The following KIF26B variants were observed in gnomAD, a reference collection of about 807,000 sequenced individuals.
KIF26B encodes the protein kinesin-like protein KIF26B.
Under a neutral mutation model 151.2 loss-of-function variants are expected in KIF26B, and 63 were observed. That is an observed-to-expected ratio of 0.42 (90% confidence interval 0.34 to 0.51). The LOEUF is 0.51. Among genes scored for constraint, KIF26B ranks in the 20% least tolerant of loss-of-function variants. KIF26B has a pLI of 0.07. For missense variants in KIF26B, 2,813 were observed against 2,913.6 expected, an observed-to-expected ratio of 0.97 and a Z score of 0.79; for synonymous variants, 1,357 against 1,262.1, an observed-to-expected ratio of 1.08 and a Z score of -1.59.
chr1:245,484,409 C>T (rs1248569111), intron 4 of KIF26B, among the ~76,000 whole-genome samples: 2 of 151,826 alleles, frequency 1.3e-5, no homozygotes, highest in South Asian at 4.2e-4. Context: ...AGGAGTCAGA[C>T]TCACCATCTA....
chr1:245,265,201 C>CA (rs59716075), intron 2 of KIF26B, among the ~76,000 whole-genome samples: 958 of 46,228 alleles, frequency 0.021, 14 homozygotes, highest in Middle Eastern at 0.035. Context: ...GACTCCATCT[C>CA]AAAAAAAAAA....
In KIF26B at chr1:245,281,985, C is replaced by T. The variant is rs1203962212; in HGVS notation, c.466-84849C>T. Among the ~76,000 whole-genome samples the T allele has an allele frequency of 2.6e-5, 4 of 152,000 alleles. No individual in the cohort carries two copies. The East Asian group carries it at 7.7e-4, about 29-fold the overall frequency. On this transcript the variant is annotated intron_variant, in intron 2 of 14. Coordinates refer to ENST00000407071, the MANE Select transcript of KIF26B (RefSeq NM_018012.4). ...CTATATCTCTGTTTTGGTACCAGTA[C>T]CATGCTGTTTTGGTTACTGTAGCCT...
At chr1:245,156,863 C>G (rs893790493) in intron 2 of KIF26B, among the ~76,000 whole-genome samples, 180 bp downstream of exon 2, 1 of 152,200 alleles carries the variant, frequency 6.6e-6, no homozygotes, top group Non-Finnish European at 1.5e-5. Flanking sequence ...CATGCCCCTT[C>G]CTCAGCCAGG....
chr1:245,180,019 G>C (rs531598743), intron 2 of KIF26B, among the ~76,000 whole-genome samples: 16 of 152,344 alleles, frequency 1.1e-4, no homozygotes, highest in Middle Eastern at 3.4e-3. Flanking sequence ...ATGAAGAACT[G>C]TAAGAGGACC....
intron 4 of KIF26B, among the ~76,000 whole-genome samples, chr1:245,532,234 TTTTCTTTTCTTTTC>T (rs1353180508): frequency 7.1e-5 from 7 of 98,758 alleles, no homozygotes; most frequent in Non-Finnish European, 7.1e-5. Context: ...TTTTCTTTTC[TTTTCTTTTCTTTTC>T]TTTTTTTTTT....
At chr1:245,268,314 C>CA (rs1248305811) in intron 2 of KIF26B, among the ~76,000 whole-genome samples, 22 of 150,894 alleles carry the variant, frequency 1.5e-4, no homozygotes, top group African/African-American at 2.7e-4. Context: ...CTAAAAAATA[C>CA]AAAAAAAATT....
At position 245,512,101 on chromosome 1, in the gene KIF26B, T is replaced by A. The variant is rs1045136827; in HGVS notation, c.1167-28666T>A. ...TTTTTTATGGTCATTTGCAACTTTT[T>A]AAAAAAAGTCCATACGGTAATGTTA... On this transcript the variant is annotated intron_variant, in intron 4 of 14. Transcript: ENST00000407071. The surrounding 1 kb of genome is among the most constrained non-coding windows in gnomAD (Gnocchi z 4.3). Among the ~76,000 whole-genome samples, 2 of 152,174 alleles carry A rather than the reference T, an allele frequency of 1.3e-5. No individual in the cohort carries two copies. Among genetic ancestry groups the A allele is most frequent in the African/African-American group, 2.4e-5 (1 of 41,428 alleles).
At chr1:245,164,683 G>A (rs1413762195) in intron 2 of KIF26B, among the ~76,000 whole-genome samples, 2 of 152,222 alleles carry the variant, frequency 1.3e-5, no homozygotes, top group African/African-American at 2.4e-5. Flanking sequence ...GAGGATGAAA[G>A]GCCTTGTAGG....
chr1:245,509,371 G>A (rs559884378), intron 4 of KIF26B, among the ~76,000 whole-genome samples: 1 of 152,150 alleles, frequency 6.6e-6, no homozygotes, highest in Non-Finnish European at 1.5e-5. Flanking sequence ...TTTAAGGGAT[G>A]GTTTGCCTGA....
At chr1:245,474,522 C>T (rs1659988560) in intron 4 of KIF26B, among the ~76,000 whole-genome samples, 1 of 151,100 alleles carries the variant, frequency 6.6e-6, no homozygotes, top group Admixed American at 6.6e-5. Flanking sequence ...AGTGATTCTC[C>T]TGCCTCAGCC....
intron 9 of KIF26B, among the ~76,000 whole-genome samples, chr1:245,620,347 T>C (rs2043644479): frequency 6.6e-6 from 1 of 152,170 alleles, no homozygotes; most frequent in African/African-American, 2.4e-5. Flanking sequence ...TCTAGATTCT[T>C]ACAGTATTTT....
At position 245,249,125 on chromosome 1, in the gene KIF26B, T is replaced by C. The variant is rs192852407; in HGVS notation, c.465+92442T>C. Among the ~76,000 whole-genome samples the C allele has an allele frequency of 2.8e-4, 42 of 152,290 alleles. No individual in the cohort carries two copies. The East Asian group carries it at 7.9e-3, about 29-fold the overall frequency. Reference sequence around the variant, plus strand: ...TGTGTGTTTGTTTGTTTTTGGTTTATTTTTGAGATGGAGTCTTGCTCTTTC... The same window carrying C: ...TGTGTGTTTGTTTGTTTTTGGTTTACTTTTGAGATGGAGTCTTGCTCTTTC... On this transcript the variant is annotated intron_variant, in intron 2 of 14. Coordinates refer to ENST00000407071, the MANE Select transcript of KIF26B (RefSeq NM_018012.4).
At chr1:245,342,049 C>T (rs922464835) in intron 2 of KIF26B, among the ~76,000 whole-genome samples, 7 of 152,202 alleles carry the variant, frequency 4.6e-5, no homozygotes, top group South Asian at 2.1e-4. Flanking sequence ...GAACCGTAAA[C>T]CAGAAATTGT....
intron 4 of KIF26B, among the ~76,000 whole-genome samples, chr1:245,436,218 G>A (rs1658929070): frequency 6.6e-6 from 1 of 151,772 alleles, no homozygotes; most frequent in African/African-American, 2.4e-5. Flanking sequence ...AGCTTGCTGA[G>A]TTTCTCTATT....
At position 245,564,681 on chromosome 1, in the gene KIF26B, C is replaced by A. The variant is rs114981381; in HGVS notation, c.1350+23731C>A. Among the ~76,000 whole-genome samples the A allele has an allele frequency of 9.3e-3, 1,410 of 152,276 alleles. 22 individuals are homozygous for A. Among genetic ancestry groups the A allele is most frequent in the African/African-American group, 0.032 (1,324 of 41,552 alleles). On this transcript the variant is annotated intron_variant, in intron 5 of 14. Transcript: ENST00000407071. This position sits in a 1 kb window ranked among gnomAD's most constrained non-coding sequence, Gnocchi z 4.6. ...AGGGAATGTTTTCCTTCCGGAACAACATTATAAAGCAGCAGCCCCCAGCCT... is the reference window on the plus strand; with the variant it reads ...AGGGAATGTTTTCCTTCCGGAACAAAATTATAAAGCAGCAGCCCCCAGCCT...
At chr1:245,442,533 G>A (rs72761192) in intron 4 of KIF26B, among the ~76,000 whole-genome samples, 23,569 of 152,134 alleles carry the variant, frequency 0.15, 2,119 homozygotes, top group African/African-American at 0.24. Flanking sequence ...AAAGAGACAA[G>A]CCAAAGATGA....
intron 3 of KIF26B, among the ~76,000 whole-genome samples, chr1:245,408,179 G>A (rs1333295058): frequency 6.6e-6 from 1 of 152,080 alleles, no homozygotes; most frequent in African/African-American, 2.4e-5. Flanking sequence ...GTCTGAATTT[G>A]CTGAGTTGCA....
chr1:245,372,735 C>T (rs150189638), intron 3 of KIF26B, among the ~76,000 whole-genome samples: 24 of 152,306 alleles, frequency 1.6e-4, no homozygotes, highest in African/African-American at 5.3e-4. Flanking sequence ...AAAGACTGTA[C>T]ACATAACACA....
chr1:245,261,498 TCTCTCC>T (rs1407688798), intron 2 of KIF26B, among the ~76,000 whole-genome samples: 5 of 74,604 alleles, frequency 6.7e-5, no homozygotes, highest in African/African-American at 2.2e-4. Context: ...TCTCTCTCTC[TCTCTCC>T]CTCCCTCCCT....
Sources: allele counts gnomAD v4.1 joint callset (sites outside exome capture counted in the v4.1 genomes callset), GRCh38; gene constraint gnomAD v4.1.1; non-coding constraint Gnocchi (gnomAD v3.1); transcripts MANE v1.5; gene names NCBI Gene and HGNC (gene_info 2026-07-23, HGNC 2026-07-21).